Variants in AP3B2 observed in about 807,000 individuals in gnomAD.
AP3B2 encodes the protein AP-3 complex subunit beta-2.
Under a neutral mutation model 126.9 loss-of-function variants are expected in AP3B2, and 50 were observed. The observed-to-expected ratio is 0.39, with a 90% CI of 0.31 to 0.50. The LOEUF is 0.50. Among genes scored for constraint, AP3B2 ranks in the 20% least tolerant of loss-of-function variants. The pLI is 0.79. For synonymous variants in AP3B2, 541 were observed against 565.0 expected, an observed-to-expected ratio of 0.96 and a Z score of 0.60; for missense variants, 1,177 against 1,426.4, an observed-to-expected ratio of 0.83 and a Z score of 2.82.
intron 1 of AP3B2, among the ~76,000 whole-genome samples, chr15:82,705,250 C>G (rs2048778809): frequency 6.6e-6 from 1 of 152,154 alleles, no homozygotes; most frequent in Non-Finnish European, 1.5e-5. Flanking sequence ...CATCCCCCAG[C>G]AGGCTTTAAA....
chr15:82,679,392 G>T (rs1245247411), intron 10 of AP3B2, among the ~76,000 whole-genome samples: 2 of 152,204 alleles, frequency 1.3e-5, no homozygotes, highest in African/African-American at 4.8e-5. Context: ...CCAAAGTGCT[G>T]GGATTAGGCG....
At chr15:82,676,719 C>G in intron 13 of AP3B2, 82 bp from the exon 14 acceptor site, 1 of 1,419,398 alleles carries the variant, frequency 7.0e-7, no homozygotes, top group Admixed American at 1.9e-5. Context: ...GGAAACAGCA[C>G]TCCTCATCTG....
intron 15 of AP3B2, among the ~76,000 whole-genome samples, chr15:82,666,374 T>C (rs951795731): frequency 6.6e-6 from 1 of 152,226 alleles, no homozygotes; most frequent in African/African-American, 2.4e-5. Flanking sequence ...TATAAAAATA[T>C]ACACCTCTCC....
chr15:82,682,275 A>C (rs939675559), intron 4 of AP3B2, among the ~76,000 whole-genome samples: 1 of 151,200 alleles, frequency 6.6e-6, no homozygotes, highest in African/African-American at 2.4e-5. Flanking sequence ...CTGGTCTCGA[A>C]CTCCTGGCCG....
At chr15:82,682,280 T>C (rs191904992) in intron 4 of AP3B2, among the ~76,000 whole-genome samples, 40 of 152,162 alleles carry the variant, frequency 2.6e-4, no homozygotes, top group Non-Finnish European at 2.9e-5. Flanking sequence ...CTCGAACTCC[T>C]GGCCGCAAGT....
chr15:82,666,690 C>T, intron 15 of AP3B2, 57 bp downstream of exon 15: 1 of 1,567,694 alleles, frequency 6.4e-7, no homozygotes, highest in Middle Eastern at 1.8e-4. Context: ...GGGGCAGAGA[C>T]TCTGGCCAGT....
chr15:82,703,031 C>T (rs1423760878), intron 1 of AP3B2, among the ~76,000 whole-genome samples: 3 of 152,174 alleles, frequency 2.0e-5, no homozygotes, highest in African/African-American at 2.4e-5. Flanking sequence ...CTCTTAATTT[C>T]GGTTCCTTTC....
At chr15:82,683,309 G>A (rs867081055) in intron 4 of AP3B2, among the ~76,000 whole-genome samples, 11 of 151,966 alleles carry the variant, frequency 7.2e-5, no homozygotes, top group Non-Finnish European at 1.2e-4. Flanking sequence ...CACCCACCTC[G>A]GCCACCCAAA....
At chr15:82,698,941 T>C (rs2048673044) in intron 1 of AP3B2, among the ~76,000 whole-genome samples, 2 of 152,090 alleles carry the variant, frequency 1.3e-5, no homozygotes, top group Non-Finnish European at 2.9e-5. Flanking sequence ...ACACAGAATA[T>C]GCACTGACAC....
chr15:82,702,412 C>T (rs1211914882), intron 1 of AP3B2, among the ~76,000 whole-genome samples: 3 of 152,310 alleles, frequency 2.0e-5, no homozygotes, highest in East Asian at 3.9e-4. Context: ...ACCATCATAT[C>T]CCCTGTGACC....
In AP3B2 at chr15:82,680,744, T is replaced by C; in HGVS notation, c.783A>G (p.Leu261=). 6.3e-7 allele frequency: 1 copy of C among 1,585,292 alleles called. No individual in the cohort carries two copies. Among genetic ancestry groups the C allele is most frequent in the Non-Finnish European group, 8.6e-7 (1 of 1,168,570 alleles). ...FLSPTQNESL[L]EENAEKAFYG... is the part of the protein sequence containing the mutation. ...AGAAGGCTTTTTCCGCGTTCTCCTCTAGTAGGGATTCCTGGACGGGGAGAC... is the reference window on the plus strand; with the variant it reads ...AGAAGGCTTTTTCCGCGTTCTCCTCCAGTAGGGATTCCTGGACGGGGAGAC... The change falls in exon 8 of 27, where the codon CTA becomes CTG. Residue 261 remains leucine, a synonymous_variant. Coordinates refer to ENST00000535359, the MANE Select transcript of AP3B2 (RefSeq NM_001278512.2). This position sits in a 1 kb window ranked among gnomAD's most constrained non-coding sequence, Gnocchi z 6.1.
chr15:82,676,435 C>A (rs2048243467), intron 14 of AP3B2, 26 bp downstream of exon 14: 1 of 1,610,390 alleles, frequency 6.2e-7, no homozygotes, highest in Non-Finnish European at 8.5e-7. Flanking sequence ...ACCAGAGTAT[C>A]TGGGGGGTCA....
Position 82,707,645 on chromosome 15 carries a change from T to TGCTGAACCCAA in AP3B2, c.113+1948_113+1949insTTGGGTTCAGC, listed in dbSNP as rs569555303. ...TAAATAATCTTTGCTGGCAGGGCTA[T>TGCTGAACCCAA]GCTGAACCTCCTTGGGCACTCTCTA... On this transcript the variant is annotated intron_variant, in intron 1 of 26. Coordinates refer to ENST00000535359, the MANE Select transcript of AP3B2 (RefSeq NM_001278512.2). Among the ~76,000 whole-genome samples, 468 of 152,352 alleles carry TGCTGAACCCAA rather than the reference T, an allele frequency of 3.1e-3. 2 individuals carry two copies. Among genetic ancestry groups the TGCTGAACCCAA allele is most frequent in the African/African-American group, 0.01 (434 of 41,574 alleles).
At position 82,659,661 on chromosome 15, in the gene AP3B2, C is replaced by A; in HGVS notation, c.3205G>T (p.Asp1069Tyr). Residue 1069 changes from aspartate (D) to tyrosine (Y), a missense_variant, in exon 27 of 27, where the codon GAT becomes TAT. Coordinates refer to ENST00000535359, the MANE Select transcript of AP3B2 (RefSeq NM_001278512.2). ...TGGGCAGCTCCAGCTGGCCGGGCAT[C>A]CAGGGTCAGCAGAACGAGGCTTCCA... ...TGGSLVLLTL[D>Y]ARPAGAAQLT... is the part of the protein sequence containing the mutation. 2.5e-6 allele frequency: 4 copies of A among 1,613,922 alleles called. No individual in the cohort carries two copies. Among genetic ancestry groups the A allele is most frequent in the Non-Finnish European group, 3.4e-6 (4 of 1,179,860 alleles).
chr15:82,672,617 ATTGT>A lies in AP3B2; in HGVS notation c.1665+3840_1665+3843del, dbSNP rs764413078. Among the ~76,000 whole-genome samples the A allele has an allele frequency of 4.2e-4, 64 of 152,262 alleles. 1 individual carries two copies. In the South Asian group the frequency reaches 0.012, roughly 29 times the overall value. On this transcript the variant is annotated intron_variant, in intron 14 of 26. Coordinates refer to ENST00000535359, the MANE Select transcript of AP3B2 (RefSeq NM_001278512.2). The stretch of plus-strand genomic sequence containing the variant: ...TAAATAACTAAGAGAGTGTAATTTG[ATTGT>A]TTGTAACACAAAAGATAAATGCTTG...
rs1344838371 is a variant in AP3B2 at position 82,664,810 on chromosome 15, G to A, written c.2137+25C>T. 6.6e-7 allele frequency: 1 copy of A among 1,505,816 alleles called. No homozygotes were observed. The highest frequency in any genetic ancestry group is 1.2e-5 in the South Asian group (1 of 84,032). The allele number at this position is 1,505,816 out of a possible 1,614,324, so 93.3% of individuals were successfully genotyped here. On this transcript the variant is annotated intron_variant, in intron 18 of 26. Transcript: ENST00000535359. The surrounding 1 kb of genome is among the most constrained non-coding windows in gnomAD (Gnocchi z 4.5). The stretch of plus-strand genomic sequence containing the variant: ...ACAGATGCATGGGCAGAGCACAGAG[G>A]ACCCCAGCTCTGCCATCTGCTCACC...
chr15:82,671,781 C>T (rs1051706131), intron 14 of AP3B2, among the ~76,000 whole-genome samples: 4 of 150,104 alleles, frequency 2.7e-5, no homozygotes, highest in Non-Finnish European at 5.9e-5. Context: ...CAGTGGCTCA[C>T]GCCTGTAATC....
intron 4 of AP3B2, chr15:82,686,623 AATTTT>A (rs552200275): frequency 3.5e-4 from 53 of 152,182 alleles, no homozygotes; most frequent in African/African-American, 1.2e-3. Flanking sequence ...ACCTGTAGTA[AATTTT>A]ATTTTATTTT....
chr15:82,675,109 T>G (rs916620395), intron 14 of AP3B2, among the ~76,000 whole-genome samples: 1 of 152,216 alleles, frequency 6.6e-6, no homozygotes, highest in African/African-American at 2.4e-5. Flanking sequence ...TTTCAACGAT[T>G]GAACGCTTCC....
Sources: allele counts gnomAD v4.1 joint callset (sites outside exome capture counted in the v4.1 genomes callset), GRCh38; gene constraint gnomAD v4.1.1; non-coding constraint Gnocchi (gnomAD v3.1); transcripts MANE v1.5; gene names NCBI Gene and HGNC (gene_info 2026-07-23, HGNC 2026-07-21).